Variants in TPH2 observed in about 807,000 individuals in gnomAD.
TPH2 encodes the protein tryptophan 5-hydroxylase 2.
A neutral mutation model predicts 59.1 loss-of-function variants in TPH2; 27 were observed. The observed-to-expected ratio is 0.46, with a 90% CI of 0.34 to 0.63. TPH2 has a LOEUF of 0.63. Among genes scored for constraint, TPH2 ranks in the 30% least tolerant of loss-of-function variants. The pLI is 0.01. For synonymous variants in TPH2, 220 were observed against 210.5 expected (o/e 1.05, Z -0.39); for missense variants, 523 against 588.3 (o/e 0.89, Z 1.15).
chr12:72,019,412 A>C (rs1196077556), intron 8 of TPH2, among the ~76,000 whole-genome samples: 1 of 152,198 alleles, frequency 6.6e-6, no homozygotes, highest in Non-Finnish European at 1.5e-5. Context: ...TTCCTGCCTC[A>C]GGGTCTTTGC....
chr12:72,024,034 A>G (rs1195147080), intron 9 of TPH2, among the ~76,000 whole-genome samples: 2 of 152,008 alleles, frequency 1.3e-5, no homozygotes, highest in African/African-American at 2.4e-5. Flanking sequence ...CTGGGCTCAA[A>G]TCCCAGCCAT....
chr12:71,955,133 A>G (rs567176567), intron 5 of TPH2, among the ~76,000 whole-genome samples: 2 of 152,290 alleles, frequency 1.3e-5, no homozygotes, highest in South Asian at 4.1e-4. Context: ...GAGAGTTTCA[A>G]CATGTTAGAA....
chr12:71,985,461 C>T (rs1189177753), intron 7 of TPH2, among the ~76,000 whole-genome samples: 1 of 152,016 alleles, frequency 6.6e-6, no homozygotes, highest in Admixed American at 6.5e-5. Flanking sequence ...GGCAGTGGTG[C>T]GATGTCAGCT....
intron 4 of TPH2, among the ~76,000 whole-genome samples, chr12:71,945,324 C>A (rs1255594201): frequency 6.6e-6 from 1 of 152,098 alleles, no homozygotes; most frequent in East Asian, 1.9e-4. Context: ...CCTTTTACAT[C>A]TGTTTTTATT....
intron 5 of TPH2, among the ~76,000 whole-genome samples, chr12:71,951,371 A>G (rs2139185853): frequency 6.6e-6 from 1 of 152,244 alleles, no homozygotes; most frequent in African/African-American, 2.4e-5. Context: ...AGTTCTTTGT[A>G]GCATGACCAG....
chr12:71,995,826 A>G (rs1230075842), intron 8 of TPH2, among the ~76,000 whole-genome samples: 1 of 152,176 alleles, frequency 6.6e-6, no homozygotes, highest in Non-Finnish European at 1.5e-5. Flanking sequence ...AAATTTAATG[A>G]TTTTTAAATG....
intron 5 of TPH2, among the ~76,000 whole-genome samples, chr12:71,970,498 C>T (rs1050092272): frequency 6.6e-6 from 1 of 152,202 alleles, no homozygotes; most frequent in African/African-American, 2.4e-5. Context: ...AAAATTTTGA[C>T]CTAACGATTC....
At chr12:71,974,188 G>A (rs1256170311) in intron 6 of TPH2, among the ~76,000 whole-genome samples, 2 of 151,990 alleles carry the variant, frequency 1.3e-5, no homozygotes, top group South Asian at 2.1e-4. Context: ...CATCAGGCTT[G>A]CCTCTAAGGA....
At chr12:71,986,263 C>G (rs1872431323) in intron 7 of TPH2, among the ~76,000 whole-genome samples, 1 of 152,146 alleles carries the variant, frequency 6.6e-6, no homozygotes, top group African/African-American at 2.4e-5. Flanking sequence ...AATAAGTCCA[C>G]CCTTACTCGG....
chr12:71,944,653 C>T lies in TPH2; in HGVS notation c.507C>T (p.Leu169=). The stretch of plus-strand genomic sequence containing the variant: ...TAGACAAATGCTCTCACAGAGTTCT[C>T]ATGTATGGTTCTGAGCTTGATGCTG... ...SELDKCSHRV[L]MYGSELDADH... is the part of the protein sequence containing the mutation. Residue 169 remains leucine, a synonymous_variant, in exon 4 of 11, where the codon CTC becomes CTT. Coordinates refer to ENST00000333850, the MANE Select transcript of TPH2 (RefSeq NM_173353.4). 1 of 1,613,930 alleles carries T rather than the reference C, an allele frequency of 6.2e-7. No homozygotes were observed. The highest frequency in any genetic ancestry group is 2.2e-5 in the East Asian group (1 of 44,874).
intron 9 of TPH2, among the ~76,000 whole-genome samples, chr12:72,024,223 G>T (rs557926821): frequency 2.7e-4 from 41 of 152,198 alleles, no homozygotes; most frequent in Non-Finnish European, 5.1e-4. Flanking sequence ...AAGCCTTCCT[G>T]TCAAGGGCCC....
At chr12:71,969,776 T>G (rs367929379) in intron 5 of TPH2, among the ~76,000 whole-genome samples, 8 of 152,358 alleles carry the variant, frequency 5.3e-5, no homozygotes, top group African/African-American at 1.9e-4. Context: ...ATTTAATTTG[T>G]GTATACTAAT....
At chr12:72,024,265 A>G (rs1056659176) in intron 9 of TPH2, among the ~76,000 whole-genome samples, 1 of 152,228 alleles carries the variant, frequency 6.6e-6, no homozygotes, top group African/African-American at 2.4e-5. Context: ...AGGAATGGAA[A>G]GGGTAAATAA....
chr12:71,989,489 A>G (rs1251341949), intron 7 of TPH2, among the ~76,000 whole-genome samples: 1 of 152,116 alleles, frequency 6.6e-6, no homozygotes, highest in Non-Finnish European at 1.5e-5. Context: ...TCTGCCACTC[A>G]TCTCCCTTTC....
At chr12:72,008,033 T>C (rs1873001466) in intron 8 of TPH2, among the ~76,000 whole-genome samples, 1 of 152,200 alleles carries the variant, frequency 6.6e-6, no homozygotes, top group African/African-American at 2.4e-5. Context: ...ACACTAGTCC[T>C]ACTTTTGGGG....
chr12:72,009,995 A>C (rs1873057261), intron 8 of TPH2, among the ~76,000 whole-genome samples: 1 of 152,174 alleles, frequency 6.6e-6, no homozygotes, highest in South Asian at 2.1e-4. Context: ...CAGTTTCCCC[A>C]TGTTTGAAAT....
chr12:71,977,468 C>G (rs1186703395), intron 6 of TPH2, among the ~76,000 whole-genome samples: 1 of 150,260 alleles, frequency 6.7e-6, no homozygotes. Flanking sequence ...CACACACACA[C>G]ACAGACACAC....
chr12:72,012,607 A>T (rs979621435), intron 8 of TPH2, among the ~76,000 whole-genome samples: 5 of 152,192 alleles, frequency 3.3e-5, no homozygotes, highest in African/African-American at 1.2e-4. Flanking sequence ...GAGACCATGA[A>T]GGTTTGTCAT....
intron 9 of TPH2, among the ~76,000 whole-genome samples, chr12:72,027,257 T>C (rs1873596381): frequency 6.6e-6 from 1 of 152,190 alleles, no homozygotes; most frequent in Non-Finnish European, 1.5e-5. Flanking sequence ...TTTAATTCTC[T>C]ACGGGTTTCA....
Sources: allele counts gnomAD v4.1 joint callset (sites outside exome capture counted in the v4.1 genomes callset), GRCh38; gene constraint gnomAD v4.1.1; transcripts MANE v1.5; gene names NCBI Gene and HGNC (gene_info 2026-07-23, HGNC 2026-07-21).